Variants in ZNF600 observed in about 807,000 individuals in gnomAD.
ZNF600 encodes the protein zinc finger protein 600, also known as zinc finger protein KR-ZNF1.
Under a neutral mutation model 7.3 loss-of-function variants are expected in ZNF600, and 4 were observed. The observed-to-expected ratio is 0.55, with a 90% confidence interval of 0.27 to 1.25. ZNF600 has a LOEUF of 1.25. Ranked by LOEUF, ZNF600 falls within the 50% of genes most tolerant of loss-of-function variation. The probability of loss-of-function intolerance (pLI) is 0.12; values close to 1 mark genes in which losing one functional copy is unlikely to be tolerated. For missense variants in ZNF600, 911 were observed against 922.1 expected (o/e 0.99, Z 0.16); for synonymous variants, 290 against 308.9 (o/e 0.94, Z 0.64).
the ZNF600 span, among the ~76,000 whole-genome samples, chr19:52,794,976 T>C: frequency 0.72 from 108,949 of 152,146 alleles, 40,494 homozygotes; most frequent in Non-Finnish European, 0.83. Context: ...AGAAAAATGA[T>C]TGTAATACGT....
the ZNF600 span, chr19:52,810,165 G>A: frequency 4.2e-6 from 4 of 953,994 alleles, no homozygotes; most frequent in Non-Finnish European, 6.9e-6. Context: ...TATCGAAGCT[G>A]GAGTCAGGGA....
At chr19:52,803,896 G>C in the ZNF600 span, among the ~76,000 whole-genome samples, 1 of 152,156 alleles carries the variant, frequency 6.6e-6, no homozygotes, top group East Asian at 1.9e-4. Context: ...GGTGAAGGTT[G>C]CAGTGAGCTG....
the ZNF600 span, chr19:52,799,879 G>C: frequency 1.1e-5 from 17 of 1,611,920 alleles, no homozygotes; most frequent in Non-Finnish European, 1.4e-5. Flanking sequence ...CCACTATGAA[G>C]CCTATGATGG....
chr19:52,765,083 A>C (rs1189837694), exon 4 of ZNF600: 8 of 361,730 alleles, frequency 2.2e-5, no homozygotes, highest in Non-Finnish European at 2.2e-5. Context: ...GGTTGAACTC[A>C]ATGTTAAGTC....
the ZNF600 span, among the ~76,000 whole-genome samples, chr19:52,827,243 TAAAAACAAAAAAA>T: frequency 1.4e-5 from 1 of 69,286 alleles, no homozygotes; most frequent in African/African-American, 5.8e-5. Context: ...ACCCTGTCTC[TAAAAACAAAAAAA>T]AAAAAAGAAA....
the ZNF600 span, chr19:52,821,732 G>A: frequency 6.6e-6 from 1 of 152,126 alleles, no homozygotes; most frequent in East Asian, 1.9e-4. Flanking sequence ...GCGAAGCGGC[G>A]AGACCTTGCC....
chr19:52,801,519 T>A, the ZNF600 span: 2 of 1,614,094 alleles, frequency 1.2e-6, no homozygotes, highest in East Asian at 4.5e-5. Flanking sequence ...GGGTGCTGCA[T>A]GGTCATTTGT....
chr19:52,808,204 G>A, the ZNF600 span: 5 of 1,590,048 alleles, frequency 3.1e-6, no homozygotes, highest in Middle Eastern at 1.7e-4. Context: ...TGACAAGAGA[G>A]GGGGAAAGCA....
At chr19:52,771,357 T>G (rs865997233) in intron 3 of ZNF600, among the ~76,000 whole-genome samples, 7 of 140,876 alleles carry the variant, frequency 5.0e-5, no homozygotes, top group Non-Finnish European at 1.5e-5. Context: ...TCTTTTTTTT[T>G]GTCTGTCATG....
chr19:52,812,787 A>AAAG, the ZNF600 span, among the ~76,000 whole-genome samples: 3 of 130,976 alleles, frequency 2.3e-5, no homozygotes, highest in African/African-American at 8.3e-5. Flanking sequence ...AAAAAAAAAA[A>AAAG]GTTTTAAGTG....
chr19:52,806,859 A>T, the ZNF600 span, among the ~76,000 whole-genome samples: 1 of 152,162 alleles, frequency 6.6e-6, no homozygotes, highest in Non-Finnish European at 1.5e-5. Flanking sequence ...CCAAGATCGT[A>T]CCAGTGCACT....
the ZNF600 span, among the ~76,000 whole-genome samples, chr19:52,825,476 C>G: frequency 6.6e-6 from 1 of 151,992 alleles, no homozygotes; most frequent in Non-Finnish European, 1.5e-5. Context: ...GAGTCTAAGA[C>G]CAGCCTGGCC....
At chr19:52,833,131 C>T in the ZNF600 span, among the ~76,000 whole-genome samples, 1 of 152,114 alleles carries the variant, frequency 6.6e-6, no homozygotes, top group African/African-American at 2.4e-5. Flanking sequence ...AAAATGTCTC[C>T]CCTTATTGGT....
the ZNF600 span, among the ~76,000 whole-genome samples, chr19:52,827,510 GC>G: frequency 6.6e-6 from 1 of 151,786 alleles, no homozygotes; most frequent in South Asian, 2.1e-4. Flanking sequence ...TCTGGTGTGA[GC>G]CCTTCCCAAG....
At chr19:52,796,553 A>G in the ZNF600 span, among the ~76,000 whole-genome samples, 1 of 152,074 alleles carries the variant, frequency 6.6e-6, no homozygotes, top group Non-Finnish European at 1.5e-5. Flanking sequence ...TGCAGCCTCT[A>G]CCTCCCAGGC....
chr19:52,800,893 T>C, the ZNF600 span: 4 of 1,613,706 alleles, frequency 2.5e-6, no homozygotes, highest in South Asian at 4.4e-5. Flanking sequence ...TAAATTATCT[T>C]ATGTGTTTCA....
chr19:52,792,394 A>G, the ZNF600 span, among the ~76,000 whole-genome samples: 1 of 152,192 alleles, frequency 6.6e-6, no homozygotes, highest in South Asian at 2.1e-4. Flanking sequence ...ACATAGATGC[A>G]TGTCTGAGTG....
intron 1 of ZNF600, among the ~76,000 whole-genome samples, chr19:52,785,311 G>A (rs1386219782): frequency 6.6e-5 from 10 of 151,120 alleles, no homozygotes; most frequent in African/African-American, 1.2e-4. Context: ...GCACCGGTGC[G>A]ATCTTGGCTC....
exon 1 of ZNF600, chr19:52,786,758 C>G (rs1008083273): frequency 1.1e-5 from 4 of 351,562 alleles, no homozygotes; most frequent in Non-Finnish European, 1.8e-5. Context: ...TCACTCCACG[C>G]GATCCGCTTC....
Sources: allele counts gnomAD v4.1 joint callset (sites outside exome capture counted in the v4.1 genomes callset), GRCh38; gene constraint gnomAD v4.1.1; transcripts MANE v1.5; gene names NCBI Gene and HGNC (gene_info 2026-07-23, HGNC 2026-07-21).